Variants in ANKRD18A observed in about 807,000 individuals in gnomAD.
The protein encoded by ANKRD18A is ankyrin repeat domain-containing protein 18A.
Under a neutral mutation model 110.6 loss-of-function variants are expected in ANKRD18A, and 72 were observed. The ratio of observed to expected loss-of-function variants is 0.65; its 90% CI spans 0.54 to 0.79. The LOEUF (loss-of-function observed/expected upper bound fraction) is 0.79, where lower values mean the gene tolerates loss of function less well. Among genes scored for constraint, ANKRD18A ranks in the 30% least tolerant of loss-of-function variants. ANKRD18A has a pLI of 0.00. For synonymous variants in ANKRD18A, 305 were observed against 410.3 expected (o/e 0.74, Z 3.10); for missense variants, 934 against 1,163.3 (o/e 0.80, Z 2.87).
chr9:38,578,172 T>TG (rs781369564), intron 12 of ANKRD18A, 24 bp from the exon 13 acceptor site: 13 of 1,525,008 alleles, frequency 8.5e-6, no homozygotes, highest in Middle Eastern at 1.7e-4. Context: ...ATAATAGAGC[T>TG]TGATAATGAA....
chr9:38,567,159 A>G (rs1009822113), downstream of ANKRD18A: 2 of 152,190 alleles, frequency 1.3e-5, no homozygotes, highest in African/African-American at 4.8e-5. Context: ...AAAAGTTACA[A>G]TGGTAGTGTA....
chr9:38,585,806 C>T (rs531916716), intron 12 of ANKRD18A, among the ~76,000 whole-genome samples: 8 of 152,284 alleles, frequency 5.3e-5, no homozygotes, highest in East Asian at 1.9e-4. Flanking sequence ...GGTGTATATA[C>T]ATCATGGAAT....
intron 7 of ANKRD18A, among the ~76,000 whole-genome samples, chr9:38,602,458 CA>C (rs1249159050): frequency 6.6e-6 from 1 of 152,116 alleles, no homozygotes; most frequent in African/African-American, 2.4e-5. Flanking sequence ...AGGATGGTGA[CA>C]GGGGCATCAC....
chr9:38,573,034 T>A (rs1823721308), intron 15 of ANKRD18A: 2 of 1,158,148 alleles, frequency 1.7e-6, no homozygotes, highest in Non-Finnish European at 2.4e-6. Context: ...CTATTTACAC[T>A]TTATTACTAA....
At chr9:38,570,456 C>A (rs575778772), downstream of ANKRD18A, among the ~76,000 whole-genome samples, 5 of 152,090 alleles carry the variant, frequency 3.3e-5, no homozygotes, top group South Asian at 1.0e-3. Flanking sequence ...ATGTTCCAAC[C>A]GATCAGGCCC....
intron 12 of ANKRD18A, among the ~76,000 whole-genome samples, chr9:38,580,498 A>G (rs1223444084): frequency 5.3e-5 from 8 of 152,248 alleles, no homozygotes; most frequent in African/African-American, 1.9e-4. Flanking sequence ...CAGTTAGATA[A>G]GAGGAATGAG....
At chr9:38,609,323 C>CA (rs1306387366) in intron 5 of ANKRD18A, among the ~76,000 whole-genome samples, 1 of 151,814 alleles carries the variant, frequency 6.6e-6, no homozygotes, top group Admixed American at 6.6e-5. Context: ...ACTAAAAATA[C>CA]AAAAAAAATT....
intron 3 of ANKRD18A, among the ~76,000 whole-genome samples, chr9:38,614,238 T>C (rs1825763114): frequency 6.8e-6 from 1 of 146,016 alleles, no homozygotes; most frequent in Non-Finnish European, 1.5e-5. Context: ...TTTTTTTTTT[T>C]TTTTTGCTCT....
At chr9:38,614,465 A>G (rs1170626644) in intron 3 of ANKRD18A, among the ~76,000 whole-genome samples, 1 of 152,044 alleles carries the variant, frequency 6.6e-6, no homozygotes, top group East Asian at 1.9e-4. Flanking sequence ...AATATTTTTA[A>G]CCATACATGT....
chr9:38,598,998 T>G (rs180865929), intron 8 of ANKRD18A, among the ~76,000 whole-genome samples: 1 of 152,364 alleles, frequency 6.6e-6, no homozygotes, highest in African/African-American at 2.4e-5. Flanking sequence ...TTTTCTCGTA[T>G]TTGCATATCA....
At position 38,578,128 on chromosome 9, in the gene ANKRD18A, C is replaced by G. The variant is rs750823179; in HGVS notation, c.2268G>C (p.Glu756Asp). 1.3e-6 allele frequency: 2 copies of G among 1,546,126 alleles called. No homozygotes were observed. The highest frequency in any genetic ancestry group is 4.0e-5 in the Admixed American group (2 of 49,562). The part of the protein sequence containing the change: ...LKQKFNDLVA[E>D]KEAVSSECVN... ...CACATTCTGAAGACACAGCTTCCTTCTCGGCCACAAGATCATTAAACTGCA... is the reference window on the plus strand; with the variant it reads ...CACATTCTGAAGACACAGCTTCCTTGTCGGCCACAAGATCATTAAACTGCA... Residue 756 changes from glutamate to aspartate, a missense_variant, in exon 13 of 16, where the codon GAG (glutamate) becomes GAC (aspartate). Coordinates refer to ENST00000399703, the MANE Select transcript of ANKRD18A (RefSeq NM_147195.4).
chr9:38,604,232 A>C lies in ANKRD18A; in HGVS notation c.809-1020T>G, dbSNP rs373067535. On this transcript the variant is annotated intron_variant, in intron 6 of 15. Transcript: ENST00000399703. Reference sequence around the variant, plus strand: ...AGAATTGCTTGAACCTGGGAGGTGAAGGCTGCAGTAATCTGAGATCATGCC... The same window carrying C: ...AGAATTGCTTGAACCTGGGAGGTGACGGCTGCAGTAATCTGAGATCATGCC... 9.2e-5 allele frequency: 14 copies of C among 151,772 alleles called. No homozygotes were observed. In the East Asian group the frequency reaches 1.6e-3, roughly 17 times the overall value. The allele number at this position is 151,772 out of a possible 1,614,324, so 9.4% of individuals were successfully genotyped here.
At position 38,593,787 on chromosome 9, in the gene ANKRD18A, C is replaced by A; in HGVS notation, c.1977G>T (p.Lys659Asn). ...HINLNETWTS[K>N]KKLFQVEIQP... is the part of the protein sequence containing the mutation. ...GAATTTCTACTTGAAATAATTTCTT[C>A]TTTGAAGTCCATGTCTCATTCAAAT... is the stretch of plus-strand genomic sequence containing the variant. The change falls in exon 10 of 16, where the codon AAG (lysine) becomes AAT (asparagine). Residue 659 changes from lysine to asparagine, a missense_variant. Lys to Asn is a moderately conservative substitution (Grantham distance 94, BLOSUM62 0). Transcript: ENST00000399703. 2 of 1,531,414 alleles carry A rather than the reference C, an allele frequency of 1.3e-6. No homozygotes were observed. The highest frequency in any genetic ancestry group is 2.5e-5 in the East Asian group (1 of 40,390). 94.9% of individuals were successfully genotyped at this position (1,531,414 alleles called of 1,614,324 possible).
At chr9:38,593,680 CT>C in intron 10 of ANKRD18A, 79 bp downstream of exon 10, 1 of 1,250,348 alleles carries the variant, frequency 8.0e-7, no homozygotes, top group Non-Finnish European at 1.0e-6. Context: ...AAGCTGTCCA[CT>C]GAAATTAGTA....
At chr9:38,566,169 GA>G in the ANKRD18A span, 1 of 152,232 alleles carries the variant, frequency 6.6e-6, no homozygotes, top group East Asian at 1.9e-4. Flanking sequence ...CTGATCCCAT[GA>G]ATCTCTTGTC....
Position 38,620,280 on chromosome 9 carries a change from C to T in ANKRD18A, c.6G>A (p.Arg2=), listed in dbSNP as rs1420622790. 3.9e-6 allele frequency: 6 copies of T among 1,550,680 alleles called. No homozygotes were observed. Among genetic ancestry groups the T allele is most frequent in the Admixed American group, 2.0e-5 (1 of 50,940 alleles). The change falls in exon 1 of 16, where the codon AGG becomes AGA. Residue 2 remains arginine (R), a synonymous_variant. Transcript: ENST00000399703. M[R]KLFSFGRRLG... The stretch of plus-strand genomic sequence containing the variant: ...GGCGTCTCCCGAAGCTGAAGAGCTT[C>T]CTCATGGTGGCGACTTCTCAGACGC...
chr9:38,608,249 G>A (rs1179046446), intron 5 of ANKRD18A, among the ~76,000 whole-genome samples: 1 of 151,906 alleles, frequency 6.6e-6, no homozygotes, highest in Non-Finnish European at 1.5e-5. Context: ...AACCTGGCTG[G>A]GACAACTACC....
chr9:38,582,412 A>AT (rs200494836), intron 12 of ANKRD18A, among the ~76,000 whole-genome samples: 7,166 of 152,134 alleles, frequency 0.047, 284 homozygotes, highest in African/African-American at 0.11. Context: ...ACTACATTTA[A>AT]TTTTTATTAT....
At position 38,599,089 on chromosome 9, in the gene ANKRD18A, T is replaced by TTTC. The variant is rs552725793; in HGVS notation, c.936+2039_936+2041dup. Reference sequence around the variant, plus strand: ...TTTCTGTATCATTACAACAATTCTCTTTCTTCTTCTTCTCTGTGAGAAACA... The same window carrying TTTC: ...TTTCTGTATCATTACAACAATTCTCTTTCTTCTTCTTCTTCTCTGTGAGAAACA... On this transcript the variant is annotated intron_variant, in intron 8 of 15. Transcript: ENST00000399703. 7.6e-3 allele frequency among the ~76,000 whole-genome samples: 1,153 copies of TTTC among 152,344 alleles called. 9 individuals carry two copies. The highest frequency in any genetic ancestry group is 8.8e-3 in the Non-Finnish European group (598 of 68,034).
Sources: gnomAD v4.1 joint callset for allele counts (sites outside exome capture counted in the v4.1 genomes callset) on GRCh38, gnomAD v4.1.1 for gene constraint, MANE v1.5 for transcripts, NCBI Gene and HGNC (gene_info 2026-07-23, HGNC 2026-07-21) for gene names.